SETBP1: variants seen among roughly 807,000 people sequenced by gnomAD.
The protein encoded by SETBP1 is SET binding protein 1, also known as SET-binding protein.
Under a neutral mutation model 101.0 loss-of-function variants are expected in SETBP1, and 9 were observed. The observed-to-expected ratio is 0.09, with a 90% CI of 0.05 to 0.16. SETBP1 has a LOEUF of 0.16. Ranked by LOEUF, SETBP1 falls within the 10% of genes least tolerant of loss-of-function variation. SETBP1 has a pLI of 1.00. For missense variants in SETBP1, 1,858 were observed against 2,033.8 expected, an observed-to-expected ratio of 0.91 and a Z score of 1.66; for synonymous variants, 818 against 788.5, an observed-to-expected ratio of 1.04 and a Z score of -0.63.
At chr18:44,845,523 G>T (rs1568177198) in intron 2 of SETBP1, among the ~76,000 whole-genome samples, 1 of 152,322 alleles carries the variant, frequency 6.6e-6, no homozygotes, top group Non-Finnish European at 1.5e-5. Context: ...TAATTTCCTT[G>T]TTGGTTTGCA....
Position 44,952,082 on chromosome 18 carries a change from G to C in SETBP1, c.2742G>C (p.Arg914=). The change falls in exon 4 of 6, where the codon CGG becomes CGC. Residue 914 remains arginine (R), a synonymous_variant. Transcript: ENST00000649279. Reference sequence around the variant, plus strand: ...CGTCCGACACCAGCACAAAGAACCGGCATGGCCACCGGCAAAAGCATCTCA... The same window carrying C: ...CGTCCGACACCAGCACAAAGAACCGCCATGGCCACCGGCAAAAGCATCTCA... ...AIPSDTSTKN[R]HGHRQKHLIV... 1 of 1,614,052 alleles carries C rather than the reference G, an allele frequency of 6.2e-7. No individual in the cohort carries two copies. Among genetic ancestry groups the C allele is most frequent in the Non-Finnish European group, 8.5e-7 (1 of 1,180,022 alleles).
intron 4 of SETBP1, among the ~76,000 whole-genome samples, chr18:44,955,596 A>G (rs1206593743): frequency 6.6e-6 from 1 of 152,220 alleles, no homozygotes; most frequent in Non-Finnish European, 1.5e-5. Flanking sequence ...CCTATATTAC[A>G]GATCAGGATA....
At chr18:45,056,972 A>G (rs760446502) in intron 5 of SETBP1, among the ~76,000 whole-genome samples, 133 of 152,224 alleles carry the variant, frequency 8.7e-4, no homozygotes, top group Non-Finnish European at 1.1e-3. Context: ...AGCAGTTACT[A>G]TGCTTTAAAC....
At chr18:45,021,858 CTT>C (rs1286242758) in intron 4 of SETBP1, among the ~76,000 whole-genome samples, 3 of 152,196 alleles carry the variant, frequency 2.0e-5, no homozygotes, top group African/African-American at 7.2e-5. Flanking sequence ...AAAAACATAA[CTT>C]ATTCCTTAGT....
intron 3 of SETBP1, among the ~76,000 whole-genome samples, chr18:44,918,688 T>C (rs1392986537): frequency 6.6e-6 from 1 of 152,248 alleles, no homozygotes; most frequent in Non-Finnish European, 1.5e-5. Context: ...CTCGTGCAGT[T>C]CTACCTAGTG....
intron 3 of SETBP1, among the ~76,000 whole-genome samples, chr18:44,945,848 A>G (rs1282457545): frequency 6.6e-6 from 1 of 152,190 alleles, no homozygotes; most frequent in Non-Finnish European, 1.5e-5. Flanking sequence ...TGAGTCAGGG[A>G]GCCCGATAAG....
At chr18:44,796,515 A>G (rs537159545) in intron 2 of SETBP1, among the ~76,000 whole-genome samples, 1 of 152,298 alleles carries the variant, frequency 6.6e-6, no homozygotes, top group Non-Finnish European at 1.5e-5. Context: ...GAGCCCCACA[A>G]TCTGTATTTG....
chr18:44,820,533 G>T (rs554137334), intron 2 of SETBP1, among the ~76,000 whole-genome samples: 1 of 152,090 alleles, frequency 6.6e-6, no homozygotes, highest in Admixed American at 6.5e-5. Context: ...TGAGACCTGG[G>T]GTTCTTTTCT....
At chr18:44,892,143 T>G (rs2069786117) in intron 3 of SETBP1, among the ~76,000 whole-genome samples, 1 of 152,188 alleles carries the variant, frequency 6.6e-6, no homozygotes, top group African/African-American at 2.4e-5. Flanking sequence ...AGGAGTTTAT[T>G]TGGAGCCTAA....
chr18:44,833,863 A>G (rs192839507), intron 2 of SETBP1, among the ~76,000 whole-genome samples: 1 of 152,374 alleles, frequency 6.6e-6, no homozygotes, highest in Non-Finnish European at 1.5e-5. Flanking sequence ...CTTCTTGGAC[A>G]ATGTATGTTC....
chr18:44,706,755 T>C (rs1255670845), intron 2 of SETBP1, among the ~76,000 whole-genome samples: 1 of 151,932 alleles, frequency 6.6e-6, no homozygotes, highest in Non-Finnish European at 1.5e-5. Flanking sequence ...GCATGGGAGT[T>C]CCAAATGGAT....
At chr18:44,889,190 T>C (rs1305017025) in intron 3 of SETBP1, among the ~76,000 whole-genome samples, 2 of 152,130 alleles carry the variant, frequency 1.3e-5, no homozygotes, top group Non-Finnish European at 2.9e-5. Context: ...ATTTCTCTGA[T>C]TCCTTCATTA....
At chr18:45,058,784 G>A (rs1302721510) in intron 5 of SETBP1, among the ~76,000 whole-genome samples, 1 of 152,238 alleles carries the variant, frequency 6.6e-6, no homozygotes, top group Non-Finnish European at 1.5e-5. Flanking sequence ...AAGTCCTAAT[G>A]CCTGATGCCA....
At chr18:44,894,808 A>T (rs1216025209) in intron 3 of SETBP1, among the ~76,000 whole-genome samples, 1 of 151,882 alleles carries the variant, frequency 6.6e-6, no homozygotes. Flanking sequence ...TTGTAAACAG[A>T]AGACAATTTA....
intron 3 of SETBP1, among the ~76,000 whole-genome samples, chr18:44,933,637 A>G (rs2145005005): frequency 6.6e-6 from 1 of 152,234 alleles, no homozygotes; most frequent in South Asian, 2.1e-4. Context: ...TACCTACTCA[A>G]GCCTCAGCAA....
intron 2 of SETBP1, among the ~76,000 whole-genome samples, chr18:44,825,254 C>T (rs985847546): frequency 6.6e-6 from 1 of 152,156 alleles, no homozygotes; most frequent in African/African-American, 2.4e-5. Flanking sequence ...CAGAGATTAT[C>T]TAAAAGGACT....
intron 2 of SETBP1, among the ~76,000 whole-genome samples, chr18:44,784,364 G>A (rs2071195340): frequency 6.6e-6 from 1 of 151,866 alleles, no homozygotes; most frequent in African/African-American, 2.4e-5. Context: ...TTGCCTTTCT[G>A]TTCTTTAGAC....
chr18:44,723,397 G>T lies in SETBP1; in HGVS notation c.486+21565G>T, dbSNP rs191077576. 1.4e-3 allele frequency among the ~76,000 whole-genome samples: 219 copies of T among 152,296 alleles called. 2 individuals are homozygous for T. The highest frequency in any genetic ancestry group is 5.0e-4 in the Non-Finnish European group (34 of 68,034). ...GAATGTTAAAGCAGAAAGAGACCTT[G>T]AAGATCATCAGAGCTGTCTTCCCTT... On this transcript the variant is annotated intron_variant, in intron 2 of 5. Transcript: ENST00000649279.
Position 44,919,145 on chromosome 18 carries a change from TCA to T in SETBP1, c.541-30733_541-30732del, listed in dbSNP as rs1039143282. Among the ~76,000 whole-genome samples the T allele has an allele frequency of 2.0e-5, 3 of 152,304 alleles. No homozygotes were observed. In the South Asian group the frequency reaches 6.2e-4, roughly 32 times the overall value. ...GTCATCATCTAGTCCACAGGGTCTG[TCA>T]CATAGTTTGTGCTCAGTAAATATTT... On this transcript the variant is annotated intron_variant, in intron 3 of 5. Coordinates refer to ENST00000649279, the MANE Select transcript of SETBP1 (RefSeq NM_015559.3).
Sources: allele counts gnomAD v4.1 joint callset (sites outside exome capture counted in the v4.1 genomes callset), GRCh38; gene constraint gnomAD v4.1.1; transcripts MANE v1.5; gene names NCBI Gene and HGNC (gene_info 2026-07-23, HGNC 2026-07-21).